The following MYO16 variants were observed in gnomAD, a reference collection of about 807,000 sequenced individuals.
MYO16 encodes the protein unconventional myosin-XVI.
MYO16 carries 94 observed loss-of-function variants against 205.3 expected under a neutral mutation model. That is an observed-to-expected ratio of 0.46 (90% CI 0.39 to 0.54). The LOEUF is 0.54. MYO16 is among the 20% of genes least tolerant of loss of function. The pLI, the probability that MYO16 is intolerant of heterozygous loss-of-function variation, is 0.00. For missense variants in MYO16, 2,315 were observed against 2,387.5 expected (o/e 0.97, Z 0.63); for synonymous variants, 988 against 954.0 (o/e 1.04, Z -0.66).
intron 1 of MYO16, among the ~76,000 whole-genome samples, chr13:108,607,168 C>T (rs1327639120): frequency 6.6e-6 from 1 of 152,116 alleles, no homozygotes; most frequent in Non-Finnish European, 1.5e-5. Flanking sequence ...TTGGATAAGA[C>T]TGTGGACTTG....
intron 34 of MYO16, among the ~76,000 whole-genome samples, chr13:109,191,615 C>T (rs182143644): frequency 3.9e-5 from 6 of 152,194 alleles, no homozygotes; most frequent in African/African-American, 1.2e-4. Context: ...GCAAAGGGAG[C>T]AGCCAAGGCC....
chr13:108,958,901 C>T (rs1883479764), intron 17 of MYO16, among the ~76,000 whole-genome samples: 1 of 152,190 alleles, frequency 6.6e-6, no homozygotes, highest in African/African-American at 2.4e-5. Context: ...ATAACTTGGA[C>T]ATGCCAGTAG....
At chr13:109,206,298 A>G (rs1163846092) in intron 34 of MYO16, among the ~76,000 whole-genome samples, 2 of 152,180 alleles carry the variant, frequency 1.3e-5, no homozygotes, top group African/African-American at 4.8e-5. Context: ...TGCCATAAGA[A>G]TGTACACAGT....
intron 2 of MYO16, among the ~76,000 whole-genome samples, chr13:108,704,328 T>A (rs1208113473): frequency 6.6e-6 from 1 of 152,180 alleles, no homozygotes; most frequent in Admixed American, 6.6e-5. Context: ...AAAGCAGTTC[T>A]TAAAGAGAAT....
chr13:108,754,811 A>G (rs1171668718), intron 4 of MYO16, among the ~76,000 whole-genome samples: 1 of 152,152 alleles, frequency 6.6e-6, no homozygotes, highest in Non-Finnish European at 1.5e-5. Context: ...CCCTTTCCTC[A>G]AGAAGCATTT....
the MYO16 span, among the ~76,000 whole-genome samples, chr13:108,554,732 C>T: frequency 6.6e-6 from 1 of 151,448 alleles, no homozygotes; most frequent in Admixed American, 6.6e-5. Flanking sequence ...CGCCTGTAGT[C>T]CCAGCTACTC....
At chr13:108,769,374 C>T (rs765547926) in intron 4 of MYO16, among the ~76,000 whole-genome samples, 16 of 151,954 alleles carry the variant, frequency 1.1e-4, no homozygotes, top group South Asian at 2.1e-4. Context: ...GAATGGAGCA[C>T]GCTAGAGGCT....
At chr13:109,029,457 C>G (rs1305795191) in intron 23 of MYO16, among the ~76,000 whole-genome samples, 4 of 152,038 alleles carry the variant, frequency 2.6e-5, no homozygotes, top group Admixed American at 6.6e-5. Flanking sequence ...ATAACGTGTC[C>G]TTTACCTCCC....
chr13:109,139,235 G>A (rs1490053469), intron 31 of MYO16, among the ~76,000 whole-genome samples: 1 of 152,188 alleles, frequency 6.6e-6, no homozygotes, highest in African/African-American at 2.4e-5. Context: ...TTACAGGTGT[G>A]AGCCACTGCA....
intron 29 of MYO16, among the ~76,000 whole-genome samples, chr13:109,122,305 C>G (rs1201422688): frequency 6.6e-6 from 1 of 150,972 alleles, no homozygotes; most frequent in African/African-American, 2.4e-5. Flanking sequence ...GATTAAATTT[C>G]TATACCCTAT....
At chr13:109,056,698 G>A (rs1035366925) in intron 27 of MYO16, among the ~76,000 whole-genome samples, 3 of 152,066 alleles carry the variant, frequency 2.0e-5, no homozygotes, top group Non-Finnish European at 4.4e-5. Context: ...AAGGTAATTT[G>A]GGATCAGAGA....
chr13:109,023,882 ATACT>A (rs1488965400), intron 23 of MYO16, among the ~76,000 whole-genome samples: 2 of 138,892 alleles, frequency 1.4e-5, no homozygotes, highest in African/African-American at 5.2e-5. Context: ...ATTTTATTAA[ATACT>A]TATATATTTA....
At chr13:108,699,460 A>G (rs904727102) in intron 2 of MYO16, among the ~76,000 whole-genome samples, 1 of 152,198 alleles carries the variant, frequency 6.6e-6, no homozygotes, top group Non-Finnish European at 1.5e-5. Context: ...AGAGCATTTT[A>G]AACTTACATA....
intron 32 of MYO16, among the ~76,000 whole-genome samples, chr13:109,149,710 G>T (rs1315653267): frequency 6.6e-6 from 1 of 152,016 alleles, no homozygotes; most frequent in East Asian, 1.9e-4. Context: ...TTCTTCGTGT[G>T]CCCCCTGCCT....
chr13:109,201,491 C>CAAAAAAAAAAAAAAAAAA (rs3042152), intron 34 of MYO16: 2 of 97,364 alleles, frequency 2.1e-5, no homozygotes, highest in African/African-American at 8.1e-5. Flanking sequence ...TCGTCTTCTA[C>CAAAAAAAAAAAAAAAAAA]AAAAAAAAAA....
intron 12 of MYO16, among the ~76,000 whole-genome samples, chr13:108,878,771 C>T (rs1367792497): frequency 6.6e-6 from 1 of 152,248 alleles, no homozygotes; most frequent in African/African-American, 2.4e-5. Flanking sequence ...GCCCAGGCTC[C>T]TGTACCTGCC....
chr13:108,978,736 TG>T (rs143629255), intron 20 of MYO16, among the ~76,000 whole-genome samples: 40 of 152,158 alleles, frequency 2.6e-4, no homozygotes, highest in African/African-American at 9.6e-4. Flanking sequence ...TTTCTTCCTC[TG>T]TTTTTTCTCT....
At chr13:108,878,739 G>A (rs1179016883) in intron 12 of MYO16, among the ~76,000 whole-genome samples, 1 of 152,200 alleles carries the variant, frequency 6.6e-6, no homozygotes, top group Non-Finnish European at 1.5e-5. Context: ...CGCTACTATG[G>A]GGCCAAAGCC....
intron 9 of MYO16, among the ~76,000 whole-genome samples, chr13:108,839,751 C>T (rs1233230378): frequency 1.3e-5 from 2 of 152,158 alleles, no homozygotes; most frequent in Non-Finnish European, 2.9e-5. Flanking sequence ...CTACATGGAA[C>T]AGAAGATAAA....
Sources: allele counts gnomAD v4.1 joint callset (sites outside exome capture counted in the v4.1 genomes callset), GRCh38; gene constraint gnomAD v4.1.1; transcripts MANE v1.5; gene names NCBI Gene and HGNC (gene_info 2026-07-23, HGNC 2026-07-21).